PHLDB1: variants seen among roughly 807,000 people sequenced by gnomAD.
PHLDB1 encodes the protein pleckstrin homology like domain family B member 1, also known as pleckstrin homology-like domain family B member 1.
PHLDB1 carries 65 observed loss-of-function variants against 139.3 expected under a neutral mutation model. The ratio of observed to expected loss-of-function variants is 0.47; its 90% confidence interval spans 0.38 to 0.57. The LOEUF (loss-of-function observed/expected upper bound fraction) is 0.57, where lower values mean the gene tolerates loss of function less well. Ranked by LOEUF, PHLDB1 falls within the 20% of genes least tolerant of loss-of-function variation. The probability of loss-of-function intolerance (pLI) is 0.00; values close to 1 mark genes in which losing one functional copy is unlikely to be tolerated. For missense variants in PHLDB1, 1,624 were observed against 1,839.7 expected (o/e 0.88, Z 2.14); for synonymous variants, 679 against 734.5 (o/e 0.92, Z 1.22).
In PHLDB1 at chr11:118,631,410, G is replaced by A. The variant is rs1264458123; in HGVS notation, c.2031G>A (p.Glu677=). ...EPGVATQRLW[E]SMERSDEENL... is the part of the protein sequence containing the mutation. ...GCGTTGCCACCCAACGCCTATGGGA[G>A]AGTATGGAGCGCTCAGATGAGGAAA... is the stretch of plus-strand genomic sequence containing the variant. Residue 677 remains glutamate, a synonymous_variant, in exon 7 of 23, where the codon GAG becomes GAA. Coordinates refer to ENST00000600882, the MANE Select transcript of PHLDB1 (RefSeq NM_001144758.3). 3.4e-6 allele frequency: 5 copies of A among 1,487,424 alleles called. No homozygotes were observed. Among genetic ancestry groups the A allele is most frequent in the African/African-American group, 2.9e-5 (2 of 69,328 alleles). 92.1% of individuals were successfully genotyped at this position (1,487,424 alleles called of 1,614,324 possible).
At chr11:118,623,913 T>TGA (rs1943332717) in intron 4 of PHLDB1, among the ~76,000 whole-genome samples, 2 of 120,076 alleles carry the variant, frequency 1.7e-5, no homozygotes, top group Admixed American at 1.6e-4. Context: ...TGTGTGTGTG[T>TGA]GTGTGAGACG....
At chr11:118,622,821 G>A (rs920220749) in intron 4 of PHLDB1, among the ~76,000 whole-genome samples, 9 of 152,140 alleles carry the variant, frequency 5.9e-5, no homozygotes, top group African/African-American at 2.2e-4. Flanking sequence ...CAGTGTGGTT[G>A]GCTATTATTT....
At chr11:118,615,833 CT>C (rs1488578986) in intron 3 of PHLDB1, among the ~76,000 whole-genome samples, 1 of 152,226 alleles carries the variant, frequency 6.6e-6, no homozygotes, top group Non-Finnish European at 1.5e-5. Context: ...GCCTCCCATT[CT>C]CAGGCAGAGT....
chr11:118,650,349 G>A lies in PHLDB1; in HGVS notation c.3772-96G>A. The A allele has an allele frequency of 9.8e-7, 1 of 1,025,058 alleles. No individual in the cohort carries two copies. The highest frequency in any genetic ancestry group is 1.6e-6 in the Non-Finnish European group (1 of 644,614). 63.5% of individuals were successfully genotyped at this position (1,025,058 alleles called of 1,614,324 possible). A position where few individuals can be genotyped will look rare whatever the true frequency, so the allele number is the denominator to read the frequency against. On this transcript the variant is annotated intron_variant, in intron 19 of 22. Transcript: ENST00000600882. This position sits in a 1 kb window ranked among gnomAD's most constrained non-coding sequence, Gnocchi z 4.7. ...GTGTGCTGGCCTGAGGAGATGTTGG[G>A]GACAATCCCCCATGAATACAGGCAC...
chr11:118,641,509 G>A, intron 12 of PHLDB1: 2 of 617,938 alleles, frequency 3.2e-6, no homozygotes, highest in South Asian at 2.0e-5. Flanking sequence ...TGCAGGCTCT[G>A]TACTTTCTGC....
At chr11:118,614,013 T>C (rs1029774450) in intron 2 of PHLDB1, 117 bp downstream of exon 2, 5 of 678,982 alleles carry the variant, frequency 7.4e-6, no homozygotes, top group Non-Finnish European at 1.3e-5. Flanking sequence ...CTCTCTGCCC[T>C]TCCCCAGGTC....
chr11:118,633,333 T>C (rs1555112887), intron 9 of PHLDB1: 1 of 152,178 alleles, frequency 6.6e-6, no homozygotes, highest in Admixed American at 6.5e-5. Flanking sequence ...AGGAGGGGTA[T>C]GAGGGTGGGG....
Position 118,616,187 on chromosome 11 carries a change from C to A in PHLDB1, c.331C>A (p.Arg111=), listed in dbSNP as rs782448370. 1 of 1,613,980 alleles carries A rather than the reference C, an allele frequency of 6.2e-7. No homozygotes were observed. The highest frequency in any genetic ancestry group is 8.5e-7 in the Non-Finnish European group (1 of 1,179,980). The change falls in exon 4 of 23, where the codon CGG becomes AGG. Residue 111 remains arginine (R), a synonymous_variant. Coordinates refer to ENST00000600882, the MANE Select transcript of PHLDB1 (RefSeq NM_001144758.3). The part of the protein sequence containing the change: ...NACTIDGLPV[R]QPTRLTQGCM... Reference sequence around the variant, plus strand: ...CTGCACTATTGATGGGCTCCCTGTCCGGCAGCCTACCCGGCTCACTCAGGG... The same window carrying A: ...CTGCACTATTGATGGGCTCCCTGTCAGGCAGCCTACCCGGCTCACTCAGGG...
At chr11:118,616,357 G>A (rs1361683611) in intron 4 of PHLDB1, 146 bp downstream of exon 4, 44 of 679,402 alleles carry the variant, frequency 6.5e-5, no homozygotes, top group African/African-American at 1.8e-5. Flanking sequence ...ATCTGGATGT[G>A]CCTAAACAAC....
intron 18 of PHLDB1, among the ~76,000 whole-genome samples, chr11:118,648,776 CT>C (rs1947934584): frequency 6.6e-6 from 1 of 152,152 alleles, no homozygotes; most frequent in South Asian, 2.1e-4. Flanking sequence ...GCTGGGAAAT[CT>C]GCCCATGTCT....
intron 15 of PHLDB1, 179 bp downstream of exon 15, chr11:118,644,353 C>T: frequency 1.7e-6 from 1 of 605,834 alleles, no homozygotes; most frequent in Non-Finnish European, 2.9e-6. Flanking sequence ...TATCTAAAGC[C>T]TTCAGGGCAG....
chr11:118,655,173 A>G (rs1555140788), intron 20 of PHLDB1: 1 of 171,924 alleles, frequency 5.8e-6, no homozygotes, highest in Non-Finnish European at 1.3e-5. Flanking sequence ...GTTACTTTGT[A>G]TATGTGAAAG....
rs1555112035 is a variant in PHLDB1 at position 118,632,346 on chromosome 11, A to G, written c.2379+50A>G. ...GTGCTGGGTACCAGTGGCCTGGGAG[A>G]GAAGGAGAAATGTCTTCTCTGGGGC... On this transcript the variant is annotated intron_variant, in intron 9 of 22. Coordinates refer to ENST00000600882, the MANE Select transcript of PHLDB1 (RefSeq NM_001144758.3). This position sits in a 1 kb window ranked among gnomAD's most constrained non-coding sequence, Gnocchi z 5.9. The G allele has an allele frequency of 6.3e-7, 1 of 1,594,240 alleles. No individual in the cohort carries two copies. The highest frequency in any genetic ancestry group is 1.7e-5 in the Admixed American group (1 of 59,878).
At chr11:118,656,172 G>A (rs549796676) in intron 22 of PHLDB1, among the ~76,000 whole-genome samples, 61 of 152,250 alleles carry the variant, frequency 4.0e-4, no homozygotes, top group African/African-American at 1.4e-3. Flanking sequence ...GATTTAATAG[G>A]GAGAAATTGA....
rs1247525936 is a variant in PHLDB1 at position 118,608,121 on chromosome 11, A to C, written c.-22+422A>C. Among the ~76,000 whole-genome samples the C allele has an allele frequency of 6.6e-6, 1 of 151,320 alleles. No individual in the cohort carries two copies. The highest frequency in any genetic ancestry group is 2.0e-4 in the East Asian group (1 of 5,112). On this transcript the variant is annotated intron_variant, in intron 1 of 22. Coordinates refer to ENST00000600882, the MANE Select transcript of PHLDB1 (RefSeq NM_001144758.3). This position sits in a 1 kb window ranked among gnomAD's most constrained non-coding sequence, Gnocchi z 6.7. ...CCTCCCCCTCTCCGCCCACAGCAGG[A>C]CCTTGGGGCGGGGGTATCTCCTGTG... is the stretch of plus-strand genomic sequence containing the variant.
intron 20 of PHLDB1, chr11:118,652,274 A>C (rs1948454016): frequency 6.6e-6 from 1 of 152,212 alleles, no homozygotes; most frequent in African/African-American, 2.4e-5. Context: ...CCAGAAGCAC[A>C]GGTGTCCCAT....
Position 118,650,638 on chromosome 11 carries a change from T to C in PHLDB1, c.3874+91T>C, listed in dbSNP as rs1331328383. The stretch of plus-strand genomic sequence containing the variant: ...TGGTCTTCTAGAAGGAGGCCAAGCT[T>C]CCAAGTAGGGGACCAGAGTCTTGGG... On this transcript the variant is annotated intron_variant, in intron 20 of 22. Coordinates refer to ENST00000600882, the MANE Select transcript of PHLDB1 (RefSeq NM_001144758.3). The surrounding 1 kb of genome is among the most constrained non-coding windows in gnomAD (Gnocchi z 4.7). 1.6e-5 allele frequency: 14 copies of C among 854,118 alleles called. No homozygotes were observed. Among genetic ancestry groups the C allele is most frequent in the Non-Finnish European group, 2.2e-5 (11 of 501,588 alleles). 52.9% of individuals were successfully genotyped at this position (854,118 alleles called of 1,614,324 possible). A position where few individuals can be genotyped will look rare whatever the true frequency, so the allele number is the denominator to read the frequency against.
Position 118,655,852 on chromosome 11 carries a change from C to T in PHLDB1, c.3961-8C>T, listed in dbSNP as rs572325574. 1 of 1,611,146 alleles carries T rather than the reference C, an allele frequency of 6.2e-7. No homozygotes were observed. The highest frequency in any genetic ancestry group is 1.3e-5 in the African/African-American group (1 of 74,876). On this transcript the variant is annotated splice_region_variant and splice_polypyrimidine_tract_variant and intron_variant, in intron 21 of 22. Coordinates refer to ENST00000600882, the MANE Select transcript of PHLDB1 (RefSeq NM_001144758.3). ...CTTTCTCTTCCTTTCTCCCTCTCCC[C>T]TTCCCAGAAGAGGTTTTTCCGCTTC...
In PHLDB1 at chr11:118,650,145, A is replaced by T. The variant is rs782771495; in HGVS notation, c.3723A>T (p.Ser1241=). The change falls in exon 19 of 23, where the codon TCA becomes TCT. Residue 1241 remains serine, a synonymous_variant. Coordinates refer to ENST00000600882, the MANE Select transcript of PHLDB1 (RefSeq NM_001144758.3). The surrounding 1 kb of genome is among the most constrained non-coding windows in gnomAD (Gnocchi z 4.7). ...TTGACCTGAAGACACATATTGAGTC[A>T]TCGGGCCATGGTGTTGATACCTGCC... The part of the protein sequence containing the change: ...EDFDLKTHIE[S]SGHGVDTCLH... The T allele has an allele frequency of 1.2e-6, 2 of 1,614,208 alleles. No homozygotes were observed. Among genetic ancestry groups the T allele is most frequent in the Non-Finnish European group, 1.7e-6 (2 of 1,180,008 alleles).
Sources: allele counts gnomAD v4.1 joint callset (sites outside exome capture counted in the v4.1 genomes callset), GRCh38; gene constraint gnomAD v4.1.1; non-coding constraint Gnocchi (gnomAD v3.1); transcripts MANE v1.5; gene names NCBI Gene and HGNC (gene_info 2026-07-23, HGNC 2026-07-21).